Variants in HDAC9 observed in about 807,000 individuals in gnomAD.
HDAC9 encodes the protein histone deacetylase 9.
HDAC9 carries 41 observed loss-of-function variants against 139.4 expected under a neutral mutation model. That is an observed-to-expected ratio of 0.29 (90% CI 0.23 to 0.38). HDAC9 has a LOEUF of 0.38. HDAC9 is among the 10% of genes least tolerant of loss of function. HDAC9 has a pLI of 1.00. For synonymous variants in HDAC9, 517 were observed against 476.2 expected (o/e 1.09, Z -1.12); for missense variants, 1,147 against 1,297.0 (o/e 0.88, Z 1.78).
chr7:18,314,262 T>C (rs1799497936), intron 1 of HDAC9, among the ~76,000 whole-genome samples: 1 of 152,218 alleles, frequency 6.6e-6, no homozygotes, highest in African/African-American at 2.4e-5. Flanking sequence ...CTCCAGATCA[T>C]AGCCCAGCCA....
intron 2 of HDAC9, among the ~76,000 whole-genome samples, chr7:18,508,393 G>T (rs1800442108): frequency 6.6e-6 from 1 of 152,174 alleles, no homozygotes; most frequent in Admixed American, 6.5e-5. Flanking sequence ...TTTCAATATT[G>T]TTACCTCTGC....
chr7:18,334,326 C>G (rs571136535), intron 1 of HDAC9, among the ~76,000 whole-genome samples: 31 of 151,446 alleles, frequency 2.0e-4, no homozygotes, highest in African/African-American at 7.5e-4. Context: ...TCACCTGAAT[C>G]AGGAATGGCT....
intron 17 of HDAC9, among the ~76,000 whole-genome samples, chr7:18,795,195 A>C (rs1420328601): frequency 2.2e-4 from 33 of 150,570 alleles, no homozygotes; most frequent in Non-Finnish European, 1.5e-5. Context: ...GATTGGTACA[A>C]ATTTCTTCCC....
chr7:18,388,184 C>T (rs1213674965), intron 1 of HDAC9, among the ~76,000 whole-genome samples: 6 of 152,242 alleles, frequency 3.9e-5, no homozygotes, highest in East Asian at 1.9e-4. Flanking sequence ...TATATTTGTA[C>T]GTGTGGCTAA....
At chr7:18,162,274 C>T (rs750947462) in exon 2 of HDAC9, 46 of 1,517,366 alleles carry the variant, frequency 3.0e-5, no homozygotes, top group Admixed American at 3.9e-5. Context: ...AGCAGTTGAA[C>T]GACAAAGGCT....
intron 1 of HDAC9, among the ~76,000 whole-genome samples, chr7:18,480,379 A>G (rs552975023): frequency 1.6e-4 from 24 of 152,266 alleles, no homozygotes; most frequent in African/African-American, 5.3e-4. Context: ...ATATTTTAAC[A>G]CTGAAGTGTA....
In HDAC9 at chr7:18,967,396, C is replaced by A. The variant is rs983925466; in HGVS notation, c.3023-8410C>A. 4.6e-5 allele frequency among the ~76,000 whole-genome samples: 7 copies of A among 151,706 alleles called. No homozygotes were observed. The South Asian group carries it at 1.5e-3, about 32-fold the overall frequency. The stretch of plus-strand genomic sequence containing the variant: ...TCATTTCTTGCTAATGATACAGTGT[C>A]CTTAATTGCTTCAAACAGAAAAATC... On this transcript the variant is annotated intron_variant, in intron 24 of 25. Coordinates refer to ENST00000686413, the MANE Select transcript of HDAC9 (RefSeq NM_178425.4).
intron 21 of HDAC9, among the ~76,000 whole-genome samples, chr7:18,855,285 A>G (rs549963256): frequency 6.6e-6 from 1 of 152,272 alleles, no homozygotes; most frequent in East Asian, 1.9e-4. Flanking sequence ...GACCTAGCGT[A>G]GTGTTATTAC....
intron 1 of HDAC9, among the ~76,000 whole-genome samples, chr7:18,324,606 G>A (rs926181154): frequency 6.6e-6 from 1 of 152,108 alleles, no homozygotes; most frequent in Non-Finnish European, 1.5e-5. Context: ...CACCAGCACG[G>A]GCAGCAGTTG....
At chr7:18,368,556 TG>T (rs147705543) in intron 1 of HDAC9, among the ~76,000 whole-genome samples, 38,124 of 151,722 alleles carry the variant, frequency 0.25, 4,994 homozygotes, top group East Asian at 0.36. Context: ...CTTTATTTTC[TG>T]GGAAAAAAAA....
At chr7:18,275,298 A>C (rs1364951516) in intron 2 of HDAC9, among the ~76,000 whole-genome samples, 1 of 152,204 alleles carries the variant, frequency 6.6e-6, no homozygotes, top group Non-Finnish European at 1.5e-5. Flanking sequence ...CTACCCTCAC[A>C]GATCTATATC....
chr7:18,967,506 C>CAA (rs777814332), intron 24 of HDAC9, among the ~76,000 whole-genome samples: 2 of 119,222 alleles, frequency 1.7e-5, no homozygotes. Flanking sequence ...GCCCCCCCCC[C>CAA]AAAAAAAAAA....
chr7:18,952,557 A>G lies in HDAC9; in HGVS notation c.2938-1589A>G, dbSNP rs113509780. Among the ~76,000 whole-genome samples the G allele has an allele frequency of 4.6e-5, 7 of 152,104 alleles. 1 individual carries two copies. The highest frequency in any genetic ancestry group is 1.7e-4 in the African/African-American group (7 of 41,548). The stretch of plus-strand genomic sequence containing the variant: ...TAAAATCTACCTGATTTCTATTAAA[A>G]ATTATTTTCTCTAAGCTCCAAGAAA... On this transcript the variant is annotated intron_variant, in intron 23 of 25. Coordinates refer to ENST00000686413, the MANE Select transcript of HDAC9 (RefSeq NM_178425.4).
At chr7:18,949,393 G>A in intron 23 of HDAC9, 2 of 254,942 alleles carry the variant, frequency 7.8e-6, no homozygotes, top group Non-Finnish European at 1.5e-5. Context: ...TTCTCACTGT[G>A]CATCTTCCTC....
intron 1 of HDAC9, among the ~76,000 whole-genome samples, chr7:18,329,266 AATGT>A (rs1452261235): frequency 1.3e-5 from 2 of 151,636 alleles, no homozygotes; most frequent in East Asian, 3.9e-4. Context: ...AATCAGTTTT[AATGT>A]ATGTATTTTA....
intron 12 of HDAC9, chr7:18,667,468 A>C (rs1241043767): frequency 1.0e-6 from 1 of 984,378 alleles, no homozygotes; most frequent in Non-Finnish European, 1.2e-6. Flanking sequence ...ATTAGAAAAG[A>C]TAGGTTTAAC....
chr7:18,926,186 A>T (rs574000005), intron 22 of HDAC9, among the ~76,000 whole-genome samples: 37 of 152,088 alleles, frequency 2.4e-4, no homozygotes, highest in African/African-American at 8.7e-4. Flanking sequence ...CTGTCCTTAT[A>T]AAAAAAATTG....
At chr7:18,490,267 G>A (rs920475917) in intron 1 of HDAC9, among the ~76,000 whole-genome samples, 2 of 152,072 alleles carry the variant, frequency 1.3e-5, no homozygotes, top group African/African-American at 2.4e-5. Flanking sequence ...TGACTTACTC[G>A]TTCTGGGGTA....
At chr7:18,143,078 C>T (rs919798259) in intron 1 of HDAC9, among the ~76,000 whole-genome samples, 23 of 152,184 alleles carry the variant, frequency 1.5e-4, no homozygotes, top group Admixed American at 2.6e-4. Flanking sequence ...TTCCAAAACT[C>T]CATCCCCTGC....
Sources: allele counts gnomAD v4.1 joint callset (sites outside exome capture counted in the v4.1 genomes callset), GRCh38; gene constraint gnomAD v4.1.1; transcripts MANE v1.5; gene names NCBI Gene and HGNC (gene_info 2026-07-23, HGNC 2026-07-21).